The following OMG variants were observed in gnomAD, a reference collection of about 807,000 sequenced individuals.
OMG encodes oligodendrocyte-myelin glycoprotein.
A neutral mutation model predicts 26.2 loss-of-function variants in OMG; 9 were observed. That is an observed-to-expected ratio of 0.34 (90% confidence interval 0.21 to 0.60). The LOEUF (loss-of-function observed/expected upper bound fraction) is 0.60. OMG is among the 20% of genes least tolerant of loss of function. The pLI is 0.80. For synonymous variants in OMG, 179 were observed against 190.4 expected (o/e 0.94, Z 0.49); for missense variants, 402 against 513.6 (o/e 0.78, Z 2.10).
At chr17:31,296,585 T>C in intron 1 of OMG, 1 of 485,708 alleles carries the variant, frequency 2.1e-6, no homozygotes, top group Non-Finnish European at 3.8e-6. Context: ...CTTTATTTTC[T>C]CTCTCCCTCC....
chr17:31,294,973 A>C lies in OMG; in HGVS notation c.*36T>G, dbSNP rs368891769. On this transcript the variant is annotated 3_prime_UTR_variant, in exon 2 of 2. Coordinates refer to ENST00000247271, the MANE Select transcript of OMG (RefSeq NM_002544.5). ...ATATTTTCCCAACTGTACATCAGGG[A>C]GGAGTGCTTTCATTAGTTTCAGAAA... 173 of 1,613,670 alleles carry C rather than the reference A, an allele frequency of 1.1e-4. No individual in the cohort carries two copies. Among genetic ancestry groups the C allele is most frequent in the Non-Finnish European group, 7.4e-5 (87 of 1,179,792 alleles).
rs773799327 is a variant in OMG at position 31,295,473 on chromosome 17, C to T, written c.859G>A (p.Asp287Asn). The T allele has an allele frequency of 6.2e-7, 1 of 1,614,078 alleles. No individual in the cohort carries two copies. The highest frequency in any genetic ancestry group is 8.5e-7 in the Non-Finnish European group (1 of 1,179,988). Reference sequence around the variant, plus strand: ...ACCACACTCAGAGAGTTAATGGTGTCCACTGTCTGCATCCCACTTACAGTG... The same window carrying T: ...ACCACACTCAGAGAGTTAATGGTGTTCACTGTCTGCATCCCACTTACAGTG... ...LFTVSGMQTV[D>N]TINSLSVVTQ... Residue 287 changes from aspartate (D) to asparagine (N), a missense_variant, in exon 2 of 2, where the codon GAC becomes AAC. Physicochemically the swap from Asp to Asn is conservative, Grantham distance 23. Around this residue, in one of 3 missense-constraint regions of OMG, gnomAD observed 247 missense variants for 274.7 expected, o/e 0.90. Transcript: ENST00000247271.
rs2068434870 is a variant in OMG, at chr17:31,295,137, T to C, written c.1195A>G (p.Thr399Ala). 2 of 1,613,954 alleles carry C rather than the reference T, an allele frequency of 1.2e-6. No homozygotes were observed. The highest frequency in any genetic ancestry group is 1.1e-5 in the South Asian group (1 of 91,080). ...GTCTCTTCCCTCCATAAGTTAAGGG[T>C]TGTGCTTTGTTGAGGCATTTCAGAG... ...NFSEMPQQST[T>A]LNLWREETTT... Residue 399 changes from threonine (T) to alanine (A), a missense_variant, in exon 2 of 2, where the codon ACC becomes GCC. By Grantham distance (58) the Thr-to-Ala change is moderately conservative. Around this residue, in one of 3 missense-constraint regions of OMG, gnomAD observed 247 missense variants for 274.7 expected, o/e 0.90. Transcript: ENST00000247271.
chr17:31,295,776 T>C lies in OMG; in HGVS notation c.556A>G (p.Thr186Ala). The part of the protein sequence containing the change: ...NNSLTQILPG[T>A]LINLTNLTHL... Reference sequence around the variant, plus strand: ...GTGAGATTTGTCAGGTTTATTAATGTACCTGGAAGAATTTGTGTCAAAGAA... The same window carrying C: ...GTGAGATTTGTCAGGTTTATTAATGCACCTGGAAGAATTTGTGTCAAAGAA... Residue 186 changes from threonine (T) to alanine (A), a missense_variant, in exon 2 of 2, where the codon ACA (threonine) becomes GCA (alanine). Thr to Ala is a moderately conservative substitution (Grantham distance 58). Coordinates refer to ENST00000247271, the MANE Select transcript of OMG (RefSeq NM_002544.5). The C allele has an allele frequency of 6.2e-7, 1 of 1,614,150 alleles. No individual in the cohort carries two copies. Among genetic ancestry groups the C allele is most frequent in the Non-Finnish European group, 8.5e-7 (1 of 1,179,968 alleles).
In OMG at chr17:31,296,184, G is replaced by A. The variant is rs1567879711; in HGVS notation, c.148C>T (p.Pro50Ser). 1 of 1,613,574 alleles carries A rather than the reference G, an allele frequency of 6.2e-7. No homozygotes were observed. The highest frequency in any genetic ancestry group is 1.3e-5 in the African/African-American group (1 of 75,020). The stretch of plus-strand genomic sequence containing the variant: ...ATAATATTCTCTTGCAGTCCAGATG[G>A]TAATGTAGACAAGTTTCTGCCTGAA... ...DCSGRNLSTL[P>S]SGLQENIIHL... The change falls in exon 2 of 2, where the codon CCA becomes TCA. Residue 50 changes from proline to serine, a missense_variant. Around this residue, in one of 3 missense-constraint regions of OMG, gnomAD observed 65 missense variants for 80.0 expected, o/e 0.81. Transcript: ENST00000247271.
rs781115146 is a variant in OMG, at chr17:31,295,383, T to A, written c.949A>T (p.Thr317Ser). 17 of 1,614,016 alleles carry A rather than the reference T, an allele frequency of 1.1e-5. No individual in the cohort carries two copies. The South Asian group carries it at 1.9e-4, about 18-fold the overall frequency. Reference protein sequence around the residue: ...YRTKETTFGATLSKDTTFTST... With the variant: ...YRTKETTFGASLSKDTTFTST... ...GTAAAGGTGGTGTCTTTGCTTAGAG[T>A]GGCACCAAACGTTGTTTCCTTTGTT... Residue 317 changes from threonine to serine, a missense_variant, in exon 2 of 2, where the codon ACT becomes TCT. Physicochemically the swap from Thr to Ser is moderately conservative, Grantham distance 58. Transcript: ENST00000247271.
At position 31,294,849 on chromosome 17, in the gene OMG, A is replaced by G. The variant is rs2151498322; in HGVS notation, c.*160T>C. 1.1e-6 allele frequency: 1 copy of G among 901,416 alleles called. No homozygotes were observed. The highest frequency in any genetic ancestry group is 2.6e-5 in the East Asian group (1 of 38,332). 55.8% of individuals were successfully genotyped at this position (901,416 alleles called of 1,614,324 possible). On this transcript the variant is annotated 3_prime_UTR_variant, in exon 2 of 2. Coordinates refer to ENST00000247271, the MANE Select transcript of OMG (RefSeq NM_002544.5). ...TACCAAGACATTGTGCATTTCTTTT[A>G]TTTAAGACAAGTTACTTCATTTACA...
chr17:31,296,592 CT>C (rs896264582), intron 1 of OMG: 8 of 474,504 alleles, frequency 1.7e-5, no homozygotes, highest in African/African-American at 1.4e-4. Flanking sequence ...TTCTCTCTCC[CT>C]CCCCCCTTTT....
At chr17:31,296,473 A>C (rs1203179847) in intron 1 of OMG, 136 bp from the exon 2 acceptor site, 1 of 809,234 alleles carries the variant, frequency 1.2e-6, no homozygotes, top group East Asian at 2.5e-5. Flanking sequence ...CCAGTGATTA[A>C]ACTAACAAAG....
rs368164484 is a variant in OMG at position 31,295,255 on chromosome 17, A to G, written c.1077T>C (p.Asp359=). 27 of 1,613,896 alleles carry G rather than the reference A, an allele frequency of 1.7e-5. No individual in the cohort carries two copies. The East Asian group carries it at 4.0e-4, about 24-fold the overall frequency. The part of the protein sequence containing the change: ...AAATLTIHLQ[D]GMVTNTSLTS... ...TGAGGCTTGTGTTTGTGACCATTCC[A>G]TCTTGGAGATGAATAGTTAGAGTTG... is the stretch of plus-strand genomic sequence containing the variant. The change falls in exon 2 of 2, where the codon GAT becomes GAC. Residue 359 remains aspartate (D), a synonymous_variant. Coordinates refer to ENST00000247271, the MANE Select transcript of OMG (RefSeq NM_002544.5).
At position 31,296,248 on chromosome 17, in the gene OMG, G is replaced by C; in HGVS notation, c.84C>G (p.Leu28=). ...LTPGILCICP[L]QCICTERHRH... ...TGTGCCTCTCTGTGCATATACATTG[G>C]AGAGGACAAATGCATAAAATACCAG... Residue 28 remains leucine, a synonymous_variant, in exon 2 of 2, where the codon CTC becomes CTG. Coordinates refer to ENST00000247271, the MANE Select transcript of OMG (RefSeq NM_002544.5). 6.2e-7 allele frequency: 1 copy of C among 1,614,110 alleles called. No individual in the cohort carries two copies. The highest frequency in any genetic ancestry group is 8.5e-7 in the Non-Finnish European group (1 of 1,179,988).
At position 31,295,552 on chromosome 17, in the gene OMG, A is replaced by C; in HGVS notation, c.780T>G (p.Ser260=). The C allele has an allele frequency of 6.2e-7, 1 of 1,614,124 alleles. No homozygotes were observed. The highest frequency in any genetic ancestry group is 8.5e-7 in the Non-Finnish European group (1 of 1,180,004). ...TGGGATACATGTTATGTTCCTTTAA[A>C]GATGATATTTGGGTAGAACATGGAG... ...IGTPCSTQIS[S]LKEHNMYPTP... Residue 260 remains serine, a synonymous_variant, in exon 2 of 2, where the codon TCT becomes TCG. Transcript: ENST00000247271.
rs2068451935 is a variant in OMG at position 31,295,804 on chromosome 17, A to G, written c.528T>C (p.Asn176=). ...CTGGAAGAATTTGTGTCAAAGAATT[A>G]TTAGACAGGTCCACGATATGTAGTT... ...PSKLHIVDLS[N]NSLTQILPGT... is the part of the protein sequence containing the mutation. The change falls in exon 2 of 2, where the codon AAT becomes AAC. Residue 176 remains asparagine, a synonymous_variant. Coordinates refer to ENST00000247271, the MANE Select transcript of OMG (RefSeq NM_002544.5). 1 of 1,614,090 alleles carries G rather than the reference A, an allele frequency of 6.2e-7. No individual in the cohort carries two copies. The highest frequency in any genetic ancestry group is 8.5e-7 in the Non-Finnish European group (1 of 1,180,036).
At chr17:31,296,415 CAA>C (rs1463150489) in intron 1 of OMG, 78 bp from the exon 2 acceptor site, 5 of 1,380,530 alleles carry the variant, frequency 3.6e-6, no homozygotes, top group Non-Finnish European at 5.2e-6. Flanking sequence ...TAGCATTAGG[CAA>C]AATTTTCAAT....
rs1323835424 is a variant in OMG at position 31,295,131 on chromosome 17, T to G, written c.1201A>C (p.Asn401His). The G allele has an allele frequency of 2.5e-6, 4 of 1,614,150 alleles. No homozygotes were observed. The highest frequency in any genetic ancestry group is 3.4e-6 in the Non-Finnish European group (4 of 1,179,994). ...GTGGTTGTCTCTTCCCTCCATAAGT[T>G]AAGGGTTGTGCTTTGTTGAGGCATT... ...SEMPQQSTTL[N>H]LWREETTTNV... Residue 401 changes from asparagine (N) to histidine (H), a missense_variant, in exon 2 of 2, where the codon AAC (asparagine) becomes CAC (histidine). Physicochemically the swap from Asn to His is moderately conservative, Grantham distance 68. Transcript: ENST00000247271.
In OMG at chr17:31,295,525, T is replaced by C. The variant is rs755507087; in HGVS notation, c.807A>G (p.Thr269=). 6.2e-7 allele frequency: 1 copy of C among 1,614,162 alleles called. No homozygotes were observed. ...ATAAGCTTGAGGTAAATCCAGAAGG[T>C]GTGGGATACATGTTATGTTCCTTTA... ...SSLKEHNMYP[T]PSGFTSSLFT... The change falls in exon 2 of 2, where the codon ACA becomes ACG. Residue 269 remains threonine (T), a synonymous_variant. Coordinates refer to ENST00000247271, the MANE Select transcript of OMG (RefSeq NM_002544.5).
intron 1 of OMG, 153 bp from the exon 2 acceptor site, chr17:31,296,490 T>C: frequency 2.8e-6 from 2 of 723,812 alleles, no homozygotes; most frequent in Admixed American, 4.0e-5. Context: ...AAAGCTCCCC[T>C]TCATTTATAG....
intron 1 of OMG, chr17:31,296,720 A>C: frequency 4.3e-6 from 1 of 231,308 alleles, no homozygotes; most frequent in Non-Finnish European, 8.6e-6. Context: ...ATGCTTTCTT[A>C]CTCAGATGAG....
Sources: allele counts gnomAD v4.1 joint callset, GRCh38; gene constraint gnomAD v4.1.1; regional missense constraint gnomAD v4.1.1; transcripts MANE v1.5; gene names NCBI Gene and HGNC (gene_info 2026-07-23, HGNC 2026-07-21).